Variants in ADGRD1 observed in about 807,000 individuals in gnomAD.
The protein encoded by ADGRD1 is G-protein coupled receptor 133.
A neutral mutation model predicts 113.4 loss-of-function variants in ADGRD1; 77 were observed. The ratio of observed to expected loss-of-function variants is 0.68; its 90% CI spans 0.57 to 0.82. The LOEUF is 0.82. ADGRD1 is among the 40% of genes least tolerant of loss of function. ADGRD1 has a pLI of 0.00. For synonymous variants in ADGRD1, 474 were observed against 475.0 expected (o/e 1.00, Z 0.03); for missense variants, 1,036 against 1,139.1 (o/e 0.91, Z 1.30).
chr12:131,136,814 C>T (rs1242403878), intron 22 of ADGRD1, among the ~76,000 whole-genome samples, 159 bp from the exon 23 acceptor site: 1 of 152,222 alleles, frequency 6.6e-6, no homozygotes, highest in Non-Finnish European at 1.5e-5. Context: ...CATGGTGGGA[C>T]CCAGGACGCC....
In ADGRD1 at chr12:131,139,386, C is replaced by G; in HGVS notation, c.*123C>G. On this transcript the variant is annotated 3_prime_UTR_variant, in exon 25 of 25. Transcript: ENST00000261654. ...CTGTCTGGACATGGGTGTTGTGGCC[C>G]CGAGACAGCTGTCCTCCCCTGTGAC... 1 of 683,408 alleles carries G rather than the reference C, an allele frequency of 1.5e-6. No homozygotes were observed. The allele number at this position is 683,408 out of a possible 1,614,324, so 42.3% of individuals were successfully genotyped here.
In ADGRD1 at chr12:131,025,029, G is replaced by C. The variant is rs924785372; in HGVS notation, c.1473+10689G>C. On this transcript the variant is annotated intron_variant, in intron 13 of 24. Coordinates refer to ENST00000261654, the MANE Select transcript of ADGRD1 (RefSeq NM_198827.5). ...CAGGCCCTGTGGGGCTTGATGCCGT[G>C]GATGGAAGTTTTGTAGAAGGCCATG... Among the ~76,000 whole-genome samples, 17 of 152,198 alleles carry C rather than the reference G, an allele frequency of 1.1e-4. 1 individual carries two copies. The highest frequency in any genetic ancestry group is 2.4e-4 in the Non-Finnish European group (16 of 68,040).
chr12:131,056,882 G>A (rs1011934813), intron 13 of ADGRD1, among the ~76,000 whole-genome samples: 5 of 152,282 alleles, frequency 3.3e-5, no homozygotes, highest in East Asian at 3.9e-4. Context: ...GCCCTAGGAC[G>A]ACGAAGGAAG....
At chr12:131,031,072 C>T (rs925959637) in intron 13 of ADGRD1, among the ~76,000 whole-genome samples, 3 of 152,298 alleles carry the variant, frequency 2.0e-5, no homozygotes, top group African/African-American at 7.2e-5. Flanking sequence ...GGAAGGGCAA[C>T]ACCTCATCCC....
In ADGRD1 at chr12:131,075,061, C is replaced by G. The variant is rs543116701; in HGVS notation, c.1474-1740C>G. On this transcript the variant is annotated intron_variant, in intron 13 of 24. Coordinates refer to ENST00000261654, the MANE Select transcript of ADGRD1 (RefSeq NM_198827.5). The surrounding 1 kb of genome is among the most constrained non-coding windows in gnomAD (Gnocchi z 5.3). The stretch of plus-strand genomic sequence containing the variant: ...GTGAGGGGGTGATGGGAAGAGGCGT[C>G]GCCTCACTCCTGAGAAGCCTTGCCA... 6.6e-6 allele frequency among the ~76,000 whole-genome samples: 1 copy of G among 152,166 alleles called. No individual in the cohort carries two copies. The highest frequency in any genetic ancestry group is 2.4e-5 in the African/African-American group (1 of 41,428).
chr12:131,008,439 T>A (rs1185197824), intron 12 of ADGRD1, among the ~76,000 whole-genome samples: 4 of 152,208 alleles, frequency 2.6e-5, no homozygotes, highest in Non-Finnish European at 5.9e-5. Flanking sequence ...TAGTGTCCTT[T>A]AATTTCTTCT....
chr12:131,056,977 C>T (rs190516741), intron 13 of ADGRD1, among the ~76,000 whole-genome samples: 11 of 152,168 alleles, frequency 7.2e-5, no homozygotes, highest in Admixed American at 1.3e-4. Context: ...CTTGGACTCA[C>T]GTGTGTTGAC....
intron 20 of ADGRD1, among the ~76,000 whole-genome samples, chr12:131,125,004 T>C (rs1012570320): frequency 1.3e-5 from 2 of 152,174 alleles, no homozygotes; most frequent in African/African-American, 4.8e-5. Flanking sequence ...CCGAGGCCTC[T>C]CTCCTTAGCT....
intron 15 of ADGRD1, among the ~76,000 whole-genome samples, chr12:131,101,856 A>G (rs1950096938): frequency 6.6e-6 from 1 of 152,200 alleles, no homozygotes; most frequent in Non-Finnish European, 1.5e-5. Flanking sequence ...GAAAGATTGC[A>G]TATCCAGTAT....
chr12:131,098,313 G>C (rs200346781), intron 15 of ADGRD1, among the ~76,000 whole-genome samples: 2 of 152,196 alleles, frequency 1.3e-5, no homozygotes, highest in African/African-American at 4.8e-5. Context: ...GATGGAGGCA[G>C]GTCAGAGGCA....
At chr12:131,025,209 G>A (rs186891612) in intron 13 of ADGRD1, among the ~76,000 whole-genome samples, 1 of 152,350 alleles carries the variant, frequency 6.6e-6, no homozygotes, top group Admixed American at 6.5e-5. Context: ...TTGAAGAGAG[G>A]TGGAGAGGAA....
intron 20 of ADGRD1, among the ~76,000 whole-genome samples, chr12:131,122,458 C>G (rs1266959952): frequency 1.3e-5 from 2 of 152,306 alleles, no homozygotes; most frequent in East Asian, 1.9e-4. Flanking sequence ...TTTACCGACT[C>G]TACCCTTTAA....
intron 14 of ADGRD1, among the ~76,000 whole-genome samples, chr12:131,083,936 G>A (rs368228481): frequency 1.4e-3 from 217 of 152,294 alleles, no homozygotes; most frequent in African/African-American, 4.7e-3. Context: ...AGCTGTGTTC[G>A]TGGGAAGTGT....
intron 20 of ADGRD1, among the ~76,000 whole-genome samples, chr12:131,127,282 G>C (rs534894935): frequency 1.3e-5 from 2 of 152,208 alleles, no homozygotes; most frequent in South Asian, 2.1e-4. Flanking sequence ...TTAATCACTC[G>C]TAGTGTTTCA....
chr12:130,987,359 T>C lies in ADGRD1; in HGVS notation c.745+10T>C. ...TTCACTGCTGCCATTGGTCAGTGAG[T>C]GTGAAGGGCTGGGGCAGATCCGCTG... On this transcript the variant is annotated intron_variant, in intron 6 of 24. Coordinates refer to ENST00000261654, the MANE Select transcript of ADGRD1 (RefSeq NM_198827.5). 1 of 1,613,600 alleles carries C rather than the reference T, an allele frequency of 6.2e-7. No homozygotes were observed. Among genetic ancestry groups the C allele is most frequent in the Non-Finnish European group, 8.5e-7 (1 of 1,179,894 alleles).
At chr12:131,046,473 G>A (rs1593114709) in intron 13 of ADGRD1, among the ~76,000 whole-genome samples, 2 of 138,322 alleles carry the variant, frequency 1.4e-5, no homozygotes, top group South Asian at 2.4e-4. Context: ...CCTGGTCAGC[G>A]CTCCCTCCCT....
intron 22 of ADGRD1, 54 bp downstream of exon 22, chr12:131,136,217 G>T: frequency 6.2e-7 from 1 of 1,602,836 alleles, no homozygotes; most frequent in Non-Finnish European, 8.5e-7. Context: ...TCAGGAGCAG[G>T]CTTGCAGGGA....
intron 15 of ADGRD1, among the ~76,000 whole-genome samples, chr12:131,099,155 G>A (rs1950011063): frequency 6.6e-6 from 1 of 152,214 alleles, no homozygotes; most frequent in African/African-American, 2.4e-5. Context: ...CTGTCTTCAT[G>A]GAACTTACCG....
intron 8 of ADGRD1, among the ~76,000 whole-genome samples, chr12:130,995,872 A>G (rs952345114): frequency 6.6e-6 from 1 of 151,374 alleles, no homozygotes; most frequent in Non-Finnish European, 1.5e-5. Context: ...ACAAGTGAAC[A>G]AAGAAACAAG....
Sources: allele counts gnomAD v4.1 joint callset (sites outside exome capture counted in the v4.1 genomes callset), GRCh38; gene constraint gnomAD v4.1.1; non-coding constraint Gnocchi (gnomAD v3.1); transcripts MANE v1.5; gene names NCBI Gene and HGNC (gene_info 2026-07-23, HGNC 2026-07-21).